Variants in MBNL3 observed in about 807,000 individuals in gnomAD.
MBNL3 encodes muscleblind-like protein 3.
A neutral mutation model predicts 24.5 loss-of-function variants in MBNL3; 6 were observed. That is an observed-to-expected ratio of 0.25 (90% CI 0.13 to 0.48). The LOEUF (loss-of-function observed/expected upper bound fraction) is 0.48, where lower values mean the gene tolerates loss of function less well. Among genes scored for constraint, MBNL3 ranks in the 20% least tolerant of loss-of-function variants. The pLI is 0.99. For missense variants in MBNL3, 230 were observed against 293.5 expected, an observed-to-expected ratio of 0.78 and a Z score of 1.58; for synonymous variants, 100 against 101.7, an observed-to-expected ratio of 0.98 and a Z score of 0.10.
chrX:132,481,241 C>T (rs1445525187), intron 1 of MBNL3, among the ~76,000 whole-genome samples: 1 of 111,812 alleles, frequency 8.9e-6, no homozygotes, highest in Non-Finnish European at 1.9e-5. Flanking sequence ...GGGATAGACA[C>T]AAGGCAACAA....
chrX:132,484,677 T>G (rs1947908148), intron 1 of MBNL3, among the ~76,000 whole-genome samples: 2 of 111,542 alleles, frequency 1.8e-5, no homozygotes, highest in South Asian at 7.6e-4. Context: ...CCCCCTGCAT[T>G]TCTGTCCAGG....
intron 8 of MBNL3, chrX:132,381,450 A>T: frequency 1.0e-6 from 1 of 1,002,595 alleles, no homozygotes. Flanking sequence ...AGTAAAAAAG[A>T]TTTTAGATTA....
intron 1 of MBNL3, among the ~76,000 whole-genome samples, chrX:132,461,582 G>C (rs141967725): frequency 0.023 from 2,555 of 110,863 alleles, 61 homozygotes; most frequent in African/African-American, 0.079. Context: ...CACCCCAAAA[G>C]TATCAGAGGC....
chrX:132,396,345 CATATATATATATTCCT>C (rs1445819814), intron 3 of MBNL3, among the ~76,000 whole-genome samples: 1 of 78,153 alleles, frequency 1.3e-5, no homozygotes, highest in African/African-American at 5.2e-5. Context: ...CATATATATT[CATATATATATATTCCT>C]ATATATATTC....
At chrX:132,449,977 G>GCCCCCCCCCCCCCC (rs59387058) in intron 1 of MBNL3, among the ~76,000 whole-genome samples, 5 of 25,468 alleles carry the variant, frequency 2.0e-4, no homozygotes, top group Non-Finnish European at 2.8e-4. Context: ...GCTGAATATT[G>GCCCCCCCCCCCCCC]CCCCCCCCCC....
In MBNL3 at chrX:132,392,334, C is replaced by A. The variant is rs761100249; in HGVS notation, c.343G>T (p.Gly115Cys). The A allele has an allele frequency of 8.5e-7, 1 of 1,181,652 alleles. No homozygotes were observed. The highest frequency in any genetic ancestry group is 1.1e-6 in the Non-Finnish European group (1 of 880,201). The part of the protein sequence containing the change: ...MLQNAQMSSL[G>C]SFPMTPSIPA... The stretch of plus-strand genomic sequence containing the variant: ...ATTGATGGAGTCATAGGAAAAGAAC[C>A]CTGTATGTTTAAAAGAGAAAAAAAG... The change falls in exon 4 of 9, where the codon GGT becomes TGT. Residue 115 changes from glycine to cysteine, a missense_variant and splice_region_variant. Gly to Cys is a radical substitution (Grantham distance 159, BLOSUM62 -3). Coordinates refer to ENST00000370853, the MANE Select transcript of MBNL3 (RefSeq NM_001386889.1).
At chrX:132,443,215 G>A (rs1232022059) in intron 1 of MBNL3, among the ~76,000 whole-genome samples, 1 of 111,664 alleles carries the variant, frequency 9.0e-6, no homozygotes, top group African/African-American at 3.3e-5. Flanking sequence ...AAGCATAAGT[G>A]ATAACCCAAA....
rs1050565647 is a variant in MBNL3 at position 132,378,582 on chromosome X, T to C, written c.*1084A>G. On this transcript the variant is annotated 3_prime_UTR_variant, in exon 9 of 9. Coordinates refer to ENST00000370853, the MANE Select transcript of MBNL3 (RefSeq NM_001386889.1). ...CATGGTTTTACACACTTTCCTCCAGTACGTAAAAACTATCTCCATGCCCCC... is the reference window on the plus strand; with the variant it reads ...CATGGTTTTACACACTTTCCTCCAGCACGTAAAAACTATCTCCATGCCCCC... The C allele has an allele frequency of 7.1e-5, 8 of 111,926 alleles. No homozygotes were observed. Among genetic ancestry groups the C allele is most frequent in the Admixed American group, 6.7e-4 (7 of 10,507 alleles). The allele number at this position is 111,926 out of a possible 1,213,427, so 9.2% of individuals were successfully genotyped here. A position where few individuals can be genotyped will look rare whatever the true frequency, so the allele number is the denominator to read the frequency against.
At chrX:132,483,457 G>A (rs1195770131) in intron 1 of MBNL3, among the ~76,000 whole-genome samples, 2 of 111,887 alleles carry the variant, frequency 1.8e-5, no homozygotes, top group African/African-American at 6.5e-5. Context: ...ATTAAGTAAG[G>A]AATTATTTCA....
chrX:132,396,371 CATATATATTCAT>C (rs1362635544), intron 3 of MBNL3, among the ~76,000 whole-genome samples: 11 of 82,780 alleles, frequency 1.3e-4, no homozygotes, highest in African/African-American at 4.7e-4. Context: ...TATATATATT[CATATATATTCAT>C]ATATATATTC....
rs768004275 is a variant in MBNL3 at position 132,390,884 on chromosome X, G to A, written c.734C>T (p.Ala245Val). The A allele has an allele frequency of 8.3e-7, 1 of 1,211,296 alleles. No homozygotes were observed. The highest frequency in any genetic ancestry group is 1.8e-5 in the South Asian group (1 of 56,938). Residue 245 changes from alanine (A) to valine (V), a missense_variant, in exon 5 of 9, where the codon GCT becomes GTT. Transcript: ENST00000370853. ...PAHLQARLKA[A>V]HHQMNHSAAS... ...AGCTGAATGGTTCATCTGATGATGA[G>A]CTGCCTTGAGTCTGGCTTGCAAGTG...
chrX:132,448,293 G>C (rs1945847590), intron 1 of MBNL3, among the ~76,000 whole-genome samples: 1 of 111,769 alleles, frequency 8.9e-6, no homozygotes, highest in Admixed American at 9.4e-5. Context: ...GGGGTGGGCA[G>C]GCTATTAATT....
intron 2 of MBNL3, among the ~76,000 whole-genome samples, chrX:132,412,354 G>GA (rs1427280100): frequency 4.5e-5 from 5 of 111,325 alleles, no homozygotes; most frequent in Non-Finnish European, 9.4e-5. Flanking sequence ...GGTCAGTTTA[G>GA]AAAAAAACTG....
chrX:132,454,108 A>C (rs1946254884), intron 1 of MBNL3, among the ~76,000 whole-genome samples: 1 of 110,950 alleles, frequency 9.0e-6, no homozygotes, highest in African/African-American at 3.3e-5. Flanking sequence ...AAAAAGAAAA[A>C]AGAAAGTGTT....
intron 5 of MBNL3, among the ~76,000 whole-genome samples, chrX:132,389,670 G>T (rs1396447159): frequency 9.1e-6 from 1 of 110,489 alleles, no homozygotes; most frequent in Non-Finnish European, 1.9e-5. Context: ...CCTTTACTGG[G>T]GCTGTTATGC....
rs1344199867 is a variant in MBNL3, at chrX:132,430,282, A to G, written c.177+9153T>C. 4.5e-5 allele frequency: 5 copies of G among 111,808 alleles called. No individual in the cohort carries two copies. The East Asian group carries it at 1.4e-3, about 31-fold the overall frequency. The allele number at this position is 111,808 out of a possible 1,213,427, so 9.2% of individuals were successfully genotyped here. ...CAAAAATAATACCTGGAGTCCCTGT[A>G]TACCCTTCACCCAGATTCCCCTACT... On this transcript the variant is annotated intron_variant, in intron 2 of 8. Coordinates refer to ENST00000370853, the MANE Select transcript of MBNL3 (RefSeq NM_001386889.1).
Position 132,411,324 on chromosome X carries a change from CCTAT to C in MBNL3, c.178-4936_178-4933del, listed in dbSNP as rs1942704649. Reference sequence around the variant, plus strand: ...GGGTGAGAGCAGAAGAATTTTCTTGCCTATCTGTCTCCAGAGAACTTTTACATTT... The same window carrying C: ...GGGTGAGAGCAGAAGAATTTTCTTGCCTGTCTCCAGAGAACTTTTACATTT... On this transcript the variant is annotated intron_variant, in intron 2 of 8. Transcript: ENST00000370853. The C allele has an allele frequency of 4.0e-6, 3 of 752,164 alleles. No homozygotes were observed. The Admixed American group carries it at 2.6e-4, about 66-fold the overall frequency. The allele number at this position is 752,164 out of a possible 1,213,427, so 62.0% of individuals were successfully genotyped here. A position where few individuals can be genotyped will look rare whatever the true frequency, so the allele number is the denominator to read the frequency against.
chrX:132,469,440 C>T lies in MBNL3; in HGVS notation c.-704+19411G>A, dbSNP rs759870787. 8.0e-5 allele frequency among the ~76,000 whole-genome samples: 9 copies of T among 112,587 alleles called. No individual in the cohort carries two copies. In the East Asian group the frequency reaches 8.3e-4, roughly 10 times the overall value. On this transcript the variant is annotated intron_variant, in intron 1 of 8. Transcript: ENST00000370853. ...GATTTGGTCCACATGTAAGGCAGCA[C>T]GGCCAAGTGCCCAGTAAATAGTGGG...
rs954165991 is a variant in MBNL3, at chrX:132,389,199, C to A, written c.771+1648G>T. Among the ~76,000 whole-genome samples the A allele has an allele frequency of 2.7e-5, 3 of 112,297 alleles. No individual in the cohort carries two copies. The South Asian group carries it at 1.1e-3, about 42-fold the overall frequency. The stretch of plus-strand genomic sequence containing the variant: ...TAAAGTCTTTTTTAACATTCATTAA[C>A]AGATTATGTTGTTCAGATCAAGGGA... On this transcript the variant is annotated intron_variant, in intron 5 of 8. Coordinates refer to ENST00000370853, the MANE Select transcript of MBNL3 (RefSeq NM_001386889.1).
Sources: allele counts gnomAD v4.1 joint callset (sites outside exome capture counted in the v4.1 genomes callset), GRCh38; gene constraint gnomAD v4.1.1; transcripts MANE v1.5; gene names NCBI Gene and HGNC (gene_info 2026-07-23, HGNC 2026-07-21).